The following HIVEP3 variants were observed in gnomAD, a reference collection of about 807,000 sequenced individuals.
HIVEP3 encodes the protein HIVEP zinc finger 3.
A neutral mutation model predicts 152.8 loss-of-function variants in HIVEP3; 49 were observed. The ratio of observed to expected loss-of-function variants is 0.32; its 90% CI spans 0.26 to 0.41. The LOEUF is 0.41. Ranked by LOEUF, HIVEP3 falls within the 10% of genes least tolerant of loss-of-function variation. HIVEP3 has a pLI of 1.00. For synonymous variants in HIVEP3, 1,269 were observed against 1,289.0 expected, an observed-to-expected ratio of 0.98 and a Z score of 0.33; for missense variants, 2,790 against 3,103.3, an observed-to-expected ratio of 0.90 and a Z score of 2.40.
chr1:41,867,889 A>G (rs1353546294), intron 1 of HIVEP3, among the ~76,000 whole-genome samples: 1 of 151,918 alleles, frequency 6.6e-6, no homozygotes, highest in Admixed American at 6.6e-5. Flanking sequence ...ACACAGCCAC[A>G]GCCTCCCATC....
At chr1:41,900,233 C>A (rs780308790) in intron 1 of HIVEP3, among the ~76,000 whole-genome samples, 16 of 152,138 alleles carry the variant, frequency 1.1e-4, no homozygotes, top group Non-Finnish European at 2.1e-4. Context: ...AAGTGGGTCC[C>A]ACAAGCCCTG....
At chr1:41,637,558 A>G (rs1444038950) in intron 2 of HIVEP3, among the ~76,000 whole-genome samples, 6 of 152,008 alleles carry the variant, frequency 3.9e-5, no homozygotes, top group Non-Finnish European at 5.9e-5. Flanking sequence ...GGTCTGTTAG[A>G]CTCTGGAGAC....
intron 2 of HIVEP3, among the ~76,000 whole-genome samples, chr1:41,693,282 G>A (rs1452665984): frequency 6.6e-6 from 1 of 152,164 alleles, no homozygotes; most frequent in Non-Finnish European, 1.5e-5. Flanking sequence ...CAGAAAATGT[G>A]TATCAATTCG....
chr1:41,532,162 T>TGGAGGCAGGAGAGATGGAAGACATGAG (rs1643279384), intron 5 of HIVEP3, among the ~76,000 whole-genome samples: 1 of 34,260 alleles, frequency 2.9e-5, no homozygotes, highest in Non-Finnish European at 6.6e-5. Context: ...ACATGAGAGA[T>TGGAGGCAGGAGAGATGGAAGACATGAG]AGAGGACAGG....
At chr1:41,981,657 A>C (rs1252136329) in intron 1 of HIVEP3, among the ~76,000 whole-genome samples, 1 of 152,160 alleles carries the variant, frequency 6.6e-6, no homozygotes, top group Non-Finnish European at 1.5e-5. Context: ...TGAGAGAATG[A>C]GGGTTGATAA....
At chr1:41,838,215 G>A (rs887742765) in intron 1 of HIVEP3, among the ~76,000 whole-genome samples, 2 of 152,006 alleles carry the variant, frequency 1.3e-5, no homozygotes, top group Admixed American at 1.3e-4. Flanking sequence ...TCCCCCAACG[G>A]TAACATCTTG....
intron 1 of HIVEP3, among the ~76,000 whole-genome samples, chr1:41,820,934 G>T (rs1642576977): frequency 6.6e-6 from 1 of 152,194 alleles, no homozygotes; most frequent in African/African-American, 2.4e-5. Flanking sequence ...AGTTGCAAGT[G>T]GTTCCTACCC....
At chr1:41,741,017 C>T (rs901392409) in intron 1 of HIVEP3, among the ~76,000 whole-genome samples, 5 of 152,046 alleles carry the variant, frequency 3.3e-5, no homozygotes, top group African/African-American at 1.2e-4. Context: ...AGAACGATTT[C>T]CTGGACTCCT....
At chr1:41,707,156 G>A (rs972657817) in intron 1 of HIVEP3, among the ~76,000 whole-genome samples, 5 of 152,192 alleles carry the variant, frequency 3.3e-5, no homozygotes, top group Non-Finnish European at 7.4e-5. Context: ...GCCCCTTGAA[G>A]GGGTTCTGCA....
chr1:41,929,064 C>A (rs150962824), intron 1 of HIVEP3, among the ~76,000 whole-genome samples: 107 of 152,276 alleles, frequency 7.0e-4, no homozygotes, highest in African/African-American at 2.5e-3. Flanking sequence ...ACTATGCACA[C>A]ACCATGTTTC....
chr1:41,545,359 C>CACACACATATACCACA (rs1643737664), intron 5 of HIVEP3, among the ~76,000 whole-genome samples: 1 of 38,710 alleles, frequency 2.6e-5, no homozygotes, highest in African/African-American at 1.0e-4. Flanking sequence ...ATCATCGCCA[C>CACACACATATACCACA]CATCACCACC....
chr1:41,646,723 T>C (rs1645466166), intron 2 of HIVEP3, among the ~76,000 whole-genome samples: 1 of 152,216 alleles, frequency 6.6e-6, no homozygotes, highest in Non-Finnish European at 1.5e-5. Flanking sequence ...GGCCTCAGCC[T>C]CCCTGTTGTA....
intron 2 of HIVEP3, among the ~76,000 whole-genome samples, chr1:41,640,413 G>A (rs895089409): frequency 2.0e-5 from 3 of 152,134 alleles, no homozygotes; most frequent in Admixed American, 6.5e-5. Context: ...AGAAGACACC[G>A]TGTTCCCTCT....
At chr1:41,842,180 A>C (rs1643308052) in intron 1 of HIVEP3, among the ~76,000 whole-genome samples, 2 of 152,174 alleles carry the variant, frequency 1.3e-5, no homozygotes, top group Admixed American at 1.3e-4. Flanking sequence ...AAGTGCTGTT[A>C]TTATTTCTAA....
At chr1:41,788,995 C>CT (rs1255911363) in intron 1 of HIVEP3, among the ~76,000 whole-genome samples, 1 of 152,226 alleles carries the variant, frequency 6.6e-6, no homozygotes, top group Non-Finnish European at 1.5e-5. Flanking sequence ...ATCTCGCCCC[C>CT]TGGCTCCTCG....
At chr1:41,593,070 C>T (rs962698360) in intron 3 of HIVEP3, among the ~76,000 whole-genome samples, 2 of 152,192 alleles carry the variant, frequency 1.3e-5, no homozygotes, top group Non-Finnish European at 2.9e-5. Flanking sequence ...CTAGTTTTGT[C>T]GAGACCAGAA....
intron 1 of HIVEP3, among the ~76,000 whole-genome samples, chr1:41,709,164 C>T (rs1029640187): frequency 2.0e-4 from 30 of 152,180 alleles, no homozygotes; most frequent in African/African-American, 5.3e-4. Context: ...GGCTGGCCAA[C>T]GGGGAAGCTG....
chr1:41,602,154 G>C (rs548859369), intron 3 of HIVEP3, among the ~76,000 whole-genome samples: 1 of 151,930 alleles, frequency 6.6e-6, no homozygotes, highest in African/African-American at 2.4e-5. Context: ...CTAGTATTTT[G>C]TTGAGGATTT....
intron 1 of HIVEP3, among the ~76,000 whole-genome samples, chr1:41,871,267 A>T (rs1316755783): frequency 6.6e-6 from 1 of 152,240 alleles, no homozygotes; most frequent in African/African-American, 2.4e-5. Flanking sequence ...GCCAGGTCAA[A>T]CAAACCCTCA....
Sources: gnomAD v4.1 joint callset for allele counts (sites outside exome capture counted in the v4.1 genomes callset) on GRCh38, gnomAD v4.1.1 for gene constraint, MANE v1.5 for transcripts, NCBI Gene and HGNC (gene_info 2026-07-23, HGNC 2026-07-21) for gene names.